The following UBE2U variants were observed in gnomAD, a reference collection of about 807,000 sequenced individuals.
The protein encoded by UBE2U is ubiquitin conjugating enzyme E2 U.
In UBE2U, 39 loss-of-function variants were observed where a neutral mutation model predicts 41.2. The ratio of observed to expected loss-of-function variants is 0.95; its 90% CI spans 0.73 to 1.24. The LOEUF (loss-of-function observed/expected upper bound fraction) is 1.24, where lower values mean the gene tolerates loss of function less well. Ranked by LOEUF, UBE2U falls within the 50% of genes most tolerant of loss-of-function variation. The probability of loss-of-function intolerance (pLI) is 0.00; values close to 1 mark genes in which losing one functional copy is unlikely to be tolerated. For missense variants in UBE2U, 336 were observed against 363.1 expected (o/e 0.93, Z 0.61); for synonymous variants, 107 against 117.8 (o/e 0.91, Z 0.60).
intron 9 of UBE2U, among the ~76,000 whole-genome samples, chr1:64,266,260 A>G (rs1645252887): frequency 6.6e-6 from 1 of 152,230 alleles, no homozygotes; most frequent in Non-Finnish European, 1.5e-5. Flanking sequence ...GATAAAGATG[A>G]AAGTCCTTTG....
chr1:64,254,616 A>G (rs1308728216), intron 8 of UBE2U, among the ~76,000 whole-genome samples: 1 of 152,178 alleles, frequency 6.6e-6, no homozygotes, highest in Non-Finnish European at 1.5e-5. Context: ...AAATTATACA[A>G]CTAAATGGAA....
At chr1:64,261,947 T>G (rs373175986) in intron 9 of UBE2U, among the ~76,000 whole-genome samples, 3 of 152,200 alleles carry the variant, frequency 2.0e-5, no homozygotes, top group East Asian at 3.9e-4. Context: ...CAGGATAAAA[T>G]TTAGACTCTT....
intron 8 of UBE2U, 142 bp from the exon 9 acceptor site, chr1:64,260,461 C>T: frequency 1.8e-6 from 1 of 563,716 alleles, no homozygotes; most frequent in African/African-American, 1.9e-5. Flanking sequence ...TTAAATTAGT[C>T]AAGACTCAGA....
At chr1:64,214,438 G>A (rs7533615) in intron 4 of UBE2U, among the ~76,000 whole-genome samples, 3,017 of 152,198 alleles carry the variant, frequency 0.02, 121 homozygotes, top group African/African-American at 0.07. Flanking sequence ...TTATCACACT[G>A]TTATTCAAGG....
intron 7 of UBE2U, among the ~76,000 whole-genome samples, chr1:64,237,170 T>C (rs865822605): frequency 6.6e-6 from 1 of 152,142 alleles, no homozygotes; most frequent in Non-Finnish European, 1.5e-5. Flanking sequence ...TGTTGCTCTA[T>C]GGTTAGCATG....
intron 5 of UBE2U, among the ~76,000 whole-genome samples, chr1:64,216,452 C>T (rs12239141): frequency 0.014 from 2,133 of 152,266 alleles, 58 homozygotes; most frequent in African/African-American, 0.049. Context: ...TTCAAATATT[C>T]GAAGGGATTT....
chr1:64,235,671 G>A (rs537806015), intron 7 of UBE2U, among the ~76,000 whole-genome samples: 1 of 152,016 alleles, frequency 6.6e-6, no homozygotes, highest in East Asian at 1.9e-4. Flanking sequence ...TATGAGTAGT[G>A]GTAAGTAGTT....
chr1:64,237,730 A>T (rs1644696340), intron 7 of UBE2U, among the ~76,000 whole-genome samples: 1 of 152,214 alleles, frequency 6.6e-6, no homozygotes, highest in Non-Finnish European at 1.5e-5. Context: ...TGTACAAAGT[A>T]CTGTGGCATT....
chr1:64,239,157 A>AAAAGAAG (rs1644770889), intron 7 of UBE2U, among the ~76,000 whole-genome samples: 30 of 37,068 alleles, frequency 8.1e-4, no homozygotes, highest in African/African-American at 2.3e-3. Context: ...GAAGAAGAAG[A>AAAAGAAG]AAGAAGAAGA....
At chr1:64,239,871 T>TG (rs1386888748) in intron 7 of UBE2U, among the ~76,000 whole-genome samples, 1 of 152,146 alleles carries the variant, frequency 6.6e-6, no homozygotes, top group African/African-American at 2.4e-5. Context: ...TATAATCCTT[T>TG]GGGGTATACA....
intron 7 of UBE2U, among the ~76,000 whole-genome samples, chr1:64,239,146 A>AGAGGAAGAGGAAGAGGAAGAG (rs1644762890): frequency 3.8e-5 from 1 of 26,356 alleles, no homozygotes; most frequent in South Asian, 2.0e-3. Flanking sequence ...AAGAAGAAGA[A>AGAGGAAGAGGAAGAGGAAGAG]GAAGAAGAAG....
chr1:64,209,763 A>G (rs1290494478), intron 3 of UBE2U, among the ~76,000 whole-genome samples: 1 of 126,388 alleles, frequency 7.9e-6, no homozygotes, highest in African/African-American at 3.0e-5. Flanking sequence ...TGGTATTTGT[A>G]CTCCTACCAA....
At position 64,205,640 on chromosome 1, in the gene UBE2U, G is replaced by T. The variant is rs760791689; in HGVS notation, c.68G>T (p.Gly23Val). The change falls in exon 2 of 10, where the codon GGT becomes GTT. Residue 23 changes from glycine to valine, a missense_variant and splice_region_variant. Physicochemically the swap from Gly to Val is moderately radical, Grantham distance 109. Transcript: ENST00000371077. The stretch of plus-strand genomic sequence containing the variant: ...TTTAATTTTGTTTTTAACTTCAAGG[G>T]TATCACTGCTAAGCCTGTAAGTGAA... The part of the protein sequence containing the change: ...FCDLKENNYK[G>V]ITAKPVSEDM... 6.2e-7 allele frequency: 1 copy of T among 1,608,052 alleles called. No individual in the cohort carries two copies. The highest frequency in any genetic ancestry group is 1.1e-5 in the South Asian group (1 of 89,466).
intron 7 of UBE2U, among the ~76,000 whole-genome samples, chr1:64,236,911 A>G (rs1570066682): frequency 6.6e-6 from 1 of 152,142 alleles, no homozygotes; most frequent in Non-Finnish European, 1.5e-5. Flanking sequence ...CACACCCAAG[A>G]CCAATTACAT....
chr1:64,235,319 T>C (rs958939665), intron 7 of UBE2U, among the ~76,000 whole-genome samples: 1 of 152,218 alleles, frequency 6.6e-6, no homozygotes, highest in African/African-American at 2.4e-5. Context: ...GATTTCACAA[T>C]CACCCTGCCT....
intron 6 of UBE2U, among the ~76,000 whole-genome samples, chr1:64,229,123 T>C (rs1226993275): frequency 2.6e-5 from 4 of 152,006 alleles, no homozygotes; most frequent in African/African-American, 9.7e-5. Flanking sequence ...CTTCCCAAAG[T>C]GCTCAGATTG....
intron 9 of UBE2U, among the ~76,000 whole-genome samples, chr1:64,265,027 C>T (rs1423281910): frequency 6.6e-6 from 1 of 151,996 alleles, no homozygotes; most frequent in Non-Finnish European, 1.5e-5. Flanking sequence ...ATATGCTGGG[C>T]ACTTCAGGGG....
At chr1:64,209,328 T>C (rs1160407134) in intron 3 of UBE2U, among the ~76,000 whole-genome samples, 1 of 152,046 alleles carries the variant, frequency 6.6e-6, no homozygotes, top group African/African-American at 2.4e-5. Flanking sequence ...TCTTTTTTTT[T>C]CCCCCATCAC....
chr1:64,239,097 A>AGAAGG (rs1644739981), intron 7 of UBE2U, among the ~76,000 whole-genome samples: 1 of 6,532 alleles, frequency 1.5e-4, no homozygotes, highest in African/African-American at 8.2e-4. Context: ...GAAGAGGAAG[A>AGAAGG]AGAAGAAGAA....
Sources: gnomAD v4.1 joint callset for allele counts (sites outside exome capture counted in the v4.1 genomes callset) on GRCh38, gnomAD v4.1.1 for gene constraint, MANE v1.5 for transcripts, NCBI Gene and HGNC (gene_info 2026-07-23, HGNC 2026-07-21) for gene names.